The following CYTH3 variants were observed in gnomAD, a reference collection of about 807,000 sequenced individuals.
CYTH3 encodes cytohesin 3.
Under a neutral mutation model 55.1 loss-of-function variants are expected in CYTH3, and 23 were observed. That is an observed-to-expected ratio of 0.42 (90% CI 0.30 to 0.59). The LOEUF (loss-of-function observed/expected upper bound fraction) is 0.59, where lower values mean the gene tolerates loss of function less well. CYTH3 is among the 20% of genes least tolerant of loss of function. CYTH3 has a pLI of 0.20. For missense variants in CYTH3, 413 were observed against 524.8 expected (o/e 0.79, Z 2.08); for synonymous variants, 249 against 194.9 (o/e 1.28, Z -2.31).
At chr7:6,186,480 C>T (rs556450806) in intron 4 of CYTH3, among the ~76,000 whole-genome samples, 20 of 152,248 alleles carry the variant, frequency 1.3e-4, no homozygotes, top group South Asian at 8.3e-4. Context: ...TCACGGTTTT[C>T]GAGTGTCTCC....
At chr7:6,173,339 C>T (rs889435982) in intron 6 of CYTH3, among the ~76,000 whole-genome samples, 13 of 152,118 alleles carry the variant, frequency 8.5e-5, no homozygotes, top group Admixed American at 5.9e-4. Flanking sequence ...ACCAACGCCA[C>T]GCCATACAGA....
chr7:6,186,474 G>A (rs544428143), intron 4 of CYTH3, among the ~76,000 whole-genome samples: 1 of 152,240 alleles, frequency 6.6e-6, no homozygotes, highest in East Asian at 1.9e-4. Context: ...CAGGTTTCAC[G>A]GTTTTCGAGT....
chr7:6,241,679 G>A (rs555336454), intron 1 of CYTH3, among the ~76,000 whole-genome samples: 19 of 152,058 alleles, frequency 1.2e-4, no homozygotes, highest in Non-Finnish European at 2.1e-4. Context: ...TAAATAAACC[G>A]ATCCATTAGC....
intron 1 of CYTH3, among the ~76,000 whole-genome samples, chr7:6,193,647 G>A (rs544889605): frequency 2.6e-5 from 4 of 152,308 alleles, no homozygotes; most frequent in Admixed American, 6.5e-5. Flanking sequence ...ACGTAACTCT[G>A]GAGGGGGCTG....
intron 1 of CYTH3, among the ~76,000 whole-genome samples, chr7:6,194,621 T>C (rs771922460): frequency 7.2e-5 from 11 of 152,112 alleles, no homozygotes; most frequent in Non-Finnish European, 1.3e-4. Context: ...ATCAGAAAAA[T>C]TTCTGTGCAC....
At chr7:6,184,657 T>G (rs1391951265) in intron 4 of CYTH3, among the ~76,000 whole-genome samples, 1 of 151,910 alleles carries the variant, frequency 6.6e-6, no homozygotes, top group Non-Finnish European at 1.5e-5. Context: ...CTCAGCTCAC[T>G]GCAACCTGAC....
intron 1 of CYTH3, among the ~76,000 whole-genome samples, chr7:6,264,325 T>C (rs969519768): frequency 2.0e-5 from 3 of 152,008 alleles, no homozygotes; most frequent in Admixed American, 6.6e-5. Context: ...ATGAAATATA[T>C]ACCAGGCTGG....
At chr7:6,245,733 C>T (rs1394465248) in intron 1 of CYTH3, among the ~76,000 whole-genome samples, 26 of 152,126 alleles carry the variant, frequency 1.7e-4, no homozygotes, top group African/African-American at 4.6e-4. Flanking sequence ...GGTGAAACCC[C>T]GTCTCTACTA....
chr7:6,172,669 T>C (rs568061710), intron 6 of CYTH3: 13 of 1,031,840 alleles, frequency 1.3e-5, no homozygotes, highest in East Asian at 1.0e-4. Context: ...CAGAGACTGA[T>C]GGACTGAAAG....
intron 1 of CYTH3, among the ~76,000 whole-genome samples, chr7:6,243,287 G>T (rs982343196): frequency 1.3e-5 from 2 of 152,208 alleles, no homozygotes; most frequent in African/African-American, 2.4e-5. Flanking sequence ...TAGAGGAGCA[G>T]GTCTGTGAAA....
At chr7:6,214,635 A>C (rs931668421) in intron 1 of CYTH3, among the ~76,000 whole-genome samples, 5 of 152,202 alleles carry the variant, frequency 3.3e-5, no homozygotes, top group African/African-American at 7.2e-5. Context: ...AGAACAAAAC[A>C]AACTGAGCAT....
At chr7:6,225,147 T>C (rs1317665663) in intron 1 of CYTH3, among the ~76,000 whole-genome samples, 1 of 152,120 alleles carries the variant, frequency 6.6e-6, no homozygotes, top group Non-Finnish European at 1.5e-5. Flanking sequence ...ATAAACAAAT[T>C]ATTAATCTAT....
At chr7:6,230,517 G>T (rs891620930) in intron 1 of CYTH3, among the ~76,000 whole-genome samples, 26 of 152,172 alleles carry the variant, frequency 1.7e-4, no homozygotes, top group African/African-American at 6.0e-4. Context: ...AAAATTCTGT[G>T]TCTTAGGGGA....
chr7:6,226,193 G>C (rs1283975672), intron 1 of CYTH3, among the ~76,000 whole-genome samples: 1 of 152,164 alleles, frequency 6.6e-6, no homozygotes, highest in Non-Finnish European at 1.5e-5. Context: ...AGGGCTCTGA[G>C]AGGTCTCCCT....
intron 1 of CYTH3, among the ~76,000 whole-genome samples, chr7:6,267,260 G>T (rs919488055): frequency 6.6e-6 from 1 of 152,088 alleles, no homozygotes; most frequent in African/African-American, 2.4e-5. Context: ...ATATAACCCA[G>T]GCTCAGGTAC....
intron 1 of CYTH3, among the ~76,000 whole-genome samples, chr7:6,198,962 A>G (rs1057164387): frequency 6.6e-6 from 1 of 152,218 alleles, no homozygotes; most frequent in African/African-American, 2.4e-5. Flanking sequence ...ATTTCTAACA[A>G]TGCATCAGGC....
At position 6,203,723 on chromosome 7, in the gene CYTH3, C is replaced by CT. The variant is rs1214111836; in HGVS notation, c.35-13193dup. Reference sequence around the variant, plus strand: ...CCAACTTACTGTACTCATATTCCACCTTTTTTTTTTTTGGAGACAGAGTCT... The same window carrying CT: ...CCAACTTACTGTACTCATATTCCACCTTTTTTTTTTTTTGGAGACAGAGTCT... On this transcript the variant is annotated intron_variant, in intron 1 of 12. Transcript: ENST00000350796. Among the ~76,000 whole-genome samples, 785 of 145,410 alleles carry CT rather than the reference C, an allele frequency of 5.4e-3. 22 individuals carry two copies. In the East Asian group the frequency reaches 0.077, roughly 14 times the overall value.
At chr7:6,236,674 G>A (rs1470925510) in intron 1 of CYTH3, among the ~76,000 whole-genome samples, 1 of 151,664 alleles carries the variant, frequency 6.6e-6, no homozygotes, top group Non-Finnish European at 1.5e-5. Context: ...TTCTCCTCCT[G>A]CCTCAGCCTC....
intron 1 of CYTH3, among the ~76,000 whole-genome samples, chr7:6,199,623 A>G (rs968087249): frequency 6.6e-6 from 1 of 152,266 alleles, no homozygotes; most frequent in Admixed American, 6.5e-5. Flanking sequence ...CATCTGCACT[A>G]CAAGAAATGT....
Sources: gnomAD v4.1 joint callset for allele counts (sites outside exome capture counted in the v4.1 genomes callset) on GRCh38, gnomAD v4.1.1 for gene constraint, MANE v1.5 for transcripts, NCBI Gene and HGNC (gene_info 2026-07-23, HGNC 2026-07-21) for gene names.